The following ADK variants were observed in gnomAD, a reference collection of about 807,000 sequenced individuals.
ADK encodes N6,N6-dimethyladenosine kinase.
Under a neutral mutation model 44.7 loss-of-function variants are expected in ADK, and 24 were observed. The ratio of observed to expected loss-of-function variants is 0.54; its 90% CI spans 0.39 to 0.76. The LOEUF is 0.76. Among genes scored for constraint, ADK ranks in the 30% least tolerant of loss-of-function variants. The probability of loss-of-function intolerance (pLI) is 0.00; values close to 1 mark genes in which losing one functional copy is unlikely to be tolerated. For missense variants in ADK, 321 were observed against 425.1 expected, an observed-to-expected ratio of 0.76 and a Z score of 2.15; for synonymous variants, 128 against 142.6, an observed-to-expected ratio of 0.90 and a Z score of 0.73.
At chr10:74,471,133 G>A (rs567950631) in intron 6 of ADK, among the ~76,000 whole-genome samples, 1 of 150,896 alleles carries the variant, frequency 6.6e-6, no homozygotes, top group East Asian at 2.0e-4. Flanking sequence ...GGAGTGCAGT[G>A]GTATGATCTC....
chr10:74,347,106 C>CAAAAAAAAAAAAAAA (rs58074760), intron 4 of ADK, among the ~76,000 whole-genome samples: 8 of 92,298 alleles, frequency 8.7e-5, no homozygotes, highest in African/African-American at 4.1e-4. Context: ...CACTCTGTCT[C>CAAAAAAAAAAAAAAA]AAAAAAAAAA....
chr10:74,201,328 C>G (rs1217005145), intron 2 of ADK, among the ~76,000 whole-genome samples: 5 of 152,176 alleles, frequency 3.3e-5, no homozygotes, highest in African/African-American at 1.2e-4. Flanking sequence ...AATGTTTCAA[C>G]TTAGCTGAGA....
intron 3 of ADK, among the ~76,000 whole-genome samples, chr10:74,262,448 G>A (rs1846073412): frequency 6.6e-6 from 1 of 152,122 alleles, no homozygotes; most frequent in Non-Finnish European, 1.5e-5. Flanking sequence ...GGTAGAGGGT[G>A]GGGCAGGGAA....
intron 1 of ADK, among the ~76,000 whole-genome samples, chr10:74,163,960 G>C (rs958605618): frequency 1.3e-5 from 2 of 152,094 alleles, no homozygotes; most frequent in East Asian, 3.9e-4. Context: ...TTAGTTCTTA[G>C]TTTTGTTGAA....
At chr10:74,373,144 C>T (rs989223586) in intron 4 of ADK, among the ~76,000 whole-genome samples, 7 of 151,798 alleles carry the variant, frequency 4.6e-5, no homozygotes, top group African/African-American at 1.5e-4. Flanking sequence ...AGCTGGACCC[C>T]TATCTCATAT....
intron 6 of ADK, among the ~76,000 whole-genome samples, chr10:74,522,456 G>A (rs1430856052): frequency 6.6e-6 from 1 of 152,076 alleles, no homozygotes; most frequent in Non-Finnish European, 1.5e-5. Context: ...TTGGGGTATT[G>A]TATTCTGGGC....
At chr10:74,546,414 TCTTA>T (rs1849820756) in intron 7 of ADK, among the ~76,000 whole-genome samples, 1 of 152,168 alleles carries the variant, frequency 6.6e-6, no homozygotes, top group African/African-American at 2.4e-5. Flanking sequence ...TTTTAGTTGC[TCTTA>T]CTTAGATTTA....
At chr10:74,174,245 C>T (rs182025614) in intron 1 of ADK, among the ~76,000 whole-genome samples, 2 of 125,634 alleles carry the variant, frequency 1.6e-5, no homozygotes, top group Admixed American at 9.9e-5. Flanking sequence ...GGGATGGGGG[C>T]GGAGGTTGCA....
At chr10:74,255,685 A>G (rs1331555378) in intron 3 of ADK, among the ~76,000 whole-genome samples, 1 of 152,196 alleles carries the variant, frequency 6.6e-6, no homozygotes, top group Non-Finnish European at 1.5e-5. Flanking sequence ...TATAACTTTA[A>G]GTTAATTTAT....
chr10:74,484,202 A>G (rs1051066543), intron 6 of ADK, among the ~76,000 whole-genome samples: 12 of 152,202 alleles, frequency 7.9e-5, no homozygotes, highest in African/African-American at 2.9e-4. Flanking sequence ...CAGGAAACTT[A>G]CAATCATGGC....
intron 4 of ADK, among the ~76,000 whole-genome samples, chr10:74,370,237 A>G (rs1031816965): frequency 1.3e-5 from 2 of 152,198 alleles, no homozygotes; most frequent in Non-Finnish European, 2.9e-5. Context: ...CACCTTAAAT[A>G]TGTACAGTTA....
intron 9 of ADK, among the ~76,000 whole-genome samples, chr10:74,648,553 C>T (rs1398782151): frequency 6.6e-6 from 1 of 151,886 alleles, no homozygotes; most frequent in Non-Finnish European, 1.5e-5. Context: ...TGGCACACGC[C>T]TGTAGTCCCT....
chr10:74,609,408 A>C (rs181852975), intron 9 of ADK, among the ~76,000 whole-genome samples: 1 of 152,172 alleles, frequency 6.6e-6, no homozygotes, highest in East Asian at 1.9e-4. Flanking sequence ...AGTTGTGAAG[A>C]CCATGGGAAA....
intron 4 of ADK, among the ~76,000 whole-genome samples, chr10:74,329,073 A>G (rs955445100): frequency 5.4e-5 from 8 of 149,294 alleles, no homozygotes; most frequent in African/African-American, 2.0e-4. Context: ...AAAATAAAAT[A>G]AAAATAAAAT....
Position 74,394,247 on chromosome 10 carries a change from C to T in ADK, c.380C>T (p.Ala127Val), listed in dbSNP as rs762559805. Reference sequence around the variant, plus strand: ...AAAGCTGCTGAAGCCCATGTGGATGCTCATTACTACGAGCAGAATGAGCAG... The same window carrying T: ...AAAGCTGCTGAAGCCCATGTGGATGTTCATTACTACGAGCAGAATGAGCAG... ...KRKAAEAHVD[A>V]HYYEQNEQPT... The change falls in exon 5 of 11, where the codon GCT becomes GTT. Residue 127 changes from alanine (A) to valine (V), a missense_variant. Transcript: ENST00000539909. The T allele has an allele frequency of 6.2e-7, 1 of 1,614,024 alleles. No individual in the cohort carries two copies. Among genetic ancestry groups the T allele is most frequent in the South Asian group, 1.1e-5 (1 of 91,086 alleles).
chr10:74,256,232 T>G (rs1030911816), intron 3 of ADK, among the ~76,000 whole-genome samples: 4 of 152,224 alleles, frequency 2.6e-5, no homozygotes, highest in Non-Finnish European at 5.9e-5. Flanking sequence ...AGAAAGGCAG[T>G]CAGGGATCAT....
At chr10:74,552,701 T>G (rs989822807) in intron 7 of ADK, among the ~76,000 whole-genome samples, 6 of 152,072 alleles carry the variant, frequency 3.9e-5, no homozygotes, top group African/African-American at 1.4e-4. Context: ...TGACAAATGA[T>G]TGTATCCAGA....
intron 3 of ADK, among the ~76,000 whole-genome samples, chr10:74,281,555 C>T (rs1846936842): frequency 6.6e-6 from 1 of 152,176 alleles, no homozygotes; most frequent in Non-Finnish European, 1.5e-5. Context: ...GAACTTAGGT[C>T]CATGATCTTG....
chr10:74,319,381 T>C (rs1840735995), intron 4 of ADK, among the ~76,000 whole-genome samples: 1 of 152,210 alleles, frequency 6.6e-6, no homozygotes, highest in Admixed American at 6.5e-5. Flanking sequence ...TGCAGATGGC[T>C]ACCCTCTTTC....
Sources: allele counts gnomAD v4.1 joint callset (sites outside exome capture counted in the v4.1 genomes callset), GRCh38; gene constraint gnomAD v4.1.1; transcripts MANE v1.5; gene names NCBI Gene and HGNC (gene_info 2026-07-23, HGNC 2026-07-21).